ALCAM: variants seen among roughly 807,000 people sequenced by gnomAD.
The protein encoded by ALCAM is activated leukocyte cell adhesion molecule.
ALCAM carries 30 observed loss-of-function variants against 70.9 expected under a neutral mutation model. The ratio of observed to expected loss-of-function variants is 0.42; its 90% CI spans 0.32 to 0.57. ALCAM has a LOEUF of 0.57. ALCAM is among the 20% of genes least tolerant of loss of function. The probability of loss-of-function intolerance (pLI) is 0.11; values close to 1 mark genes in which losing one functional copy is unlikely to be tolerated. For missense variants in ALCAM, 591 were observed against 695.1 expected (o/e 0.85, Z 1.68); for synonymous variants, 249 against 242.5 (o/e 1.03, Z -0.25).
chr3:105,572,228 C>A (rs1940873929), intron 15 of ALCAM, among the ~76,000 whole-genome samples: 1 of 152,042 alleles, frequency 6.6e-6, no homozygotes. Context: ...ATGCGTCCCT[C>A]CCCTAGCCCC....
chr3:105,485,411 A>G (rs1311211034), intron 1 of ALCAM, among the ~76,000 whole-genome samples: 6 of 151,874 alleles, frequency 4.0e-5, no homozygotes, highest in African/African-American at 1.2e-4. Context: ...GCACATCCAC[A>G]TGTGTGTGAC....
chr3:105,409,299 G>A (rs868630450), intron 1 of ALCAM, among the ~76,000 whole-genome samples: 1 of 151,076 alleles, frequency 6.6e-6, no homozygotes, highest in East Asian at 2.0e-4. Context: ...CAGTTCAAAT[G>A]TCCATCAGTC....
At chr3:105,459,843 G>A (rs529624771) in intron 1 of ALCAM, among the ~76,000 whole-genome samples, 40 of 152,020 alleles carry the variant, frequency 2.6e-4, no homozygotes, top group Admixed American at 3.3e-4. Flanking sequence ...CTTAGTTCCC[G>A]CTCTCTTCTG....
chr3:105,475,573 T>A (rs1938086515), intron 1 of ALCAM, among the ~76,000 whole-genome samples: 3 of 152,040 alleles, frequency 2.0e-5, no homozygotes, highest in Admixed American at 2.0e-4. Context: ...CACAGAAGAC[T>A]TCATCACGAA....
chr3:105,496,827 G>GGGGGGT (rs755792411), intron 1 of ALCAM, among the ~76,000 whole-genome samples: 4 of 103,826 alleles, frequency 3.9e-5, no homozygotes, highest in African/African-American at 1.0e-4. Flanking sequence ...GTCCAATTGA[G>GGGGGGT]GTGTGTGTGT....
intron 1 of ALCAM, among the ~76,000 whole-genome samples, chr3:105,416,151 G>A (rs1350569899): frequency 2.0e-5 from 3 of 151,872 alleles, no homozygotes; most frequent in Non-Finnish European, 4.4e-5. Flanking sequence ...TTCTCTTAAG[G>A]ATAAGGATAA....
chr3:105,537,538 C>T (rs1417464582), intron 6 of ALCAM, among the ~76,000 whole-genome samples: 2 of 152,144 alleles, frequency 1.3e-5, no homozygotes, highest in African/African-American at 2.4e-5. Context: ...TCATCACTGC[C>T]TGTATCCACT....
intron 1 of ALCAM, among the ~76,000 whole-genome samples, chr3:105,499,345 G>T (rs1190957072): frequency 1.3e-5 from 2 of 152,080 alleles, no homozygotes; most frequent in Non-Finnish European, 2.9e-5. Flanking sequence ...GATCAAACTA[G>T]AATGTTAAAT....
intron 14 of ALCAM, among the ~76,000 whole-genome samples, chr3:105,570,240 A>G (rs553451519): frequency 6.6e-6 from 1 of 152,332 alleles, no homozygotes; most frequent in East Asian, 1.9e-4. Context: ...AATGAAAATA[A>G]CTATAAATAT....
At position 105,576,325 on chromosome 3, in the gene ALCAM, G is replaced by T. The variant is rs1940962828; in HGVS notation, c.*1874G>T. The T allele has an allele frequency of 6.6e-6, 1 of 152,410 alleles. No homozygotes were observed. 9.4% of individuals were successfully genotyped at this position (152,410 alleles called of 1,614,324 possible). On this transcript the variant is annotated 3_prime_UTR_variant, in exon 16 of 16. Transcript: ENST00000306107. ...ATTTTCTCTTTAGAATTTTGTTAAA[G>T]AAATTCTAAAATTTTTAAACACCTG... is the stretch of plus-strand genomic sequence containing the variant.
At chr3:105,555,091 A>C (rs1940489256) in intron 14 of ALCAM, among the ~76,000 whole-genome samples, 1 of 151,938 alleles carries the variant, frequency 6.6e-6, no homozygotes, top group Admixed American at 6.6e-5. Context: ...TTGTTTCTTC[A>C]TGTGGTAACC....
chr3:105,484,905 CT>C (rs1356462660), intron 1 of ALCAM, among the ~76,000 whole-genome samples: 1 of 152,024 alleles, frequency 6.6e-6, no homozygotes, highest in East Asian at 1.9e-4. Context: ...ATACTTTTCA[CT>C]GAGCCCATAG....
At chr3:105,384,047 T>C (rs1325990761) in intron 1 of ALCAM, among the ~76,000 whole-genome samples, 1 of 151,678 alleles carries the variant, frequency 6.6e-6, no homozygotes, top group Admixed American at 6.6e-5. Flanking sequence ...ACATCTGTAC[T>C]GTGGACCATG....
intron 1 of ALCAM, among the ~76,000 whole-genome samples, chr3:105,419,979 G>T (rs1936603046): frequency 6.6e-6 from 1 of 151,734 alleles, no homozygotes; most frequent in Non-Finnish European, 1.5e-5. Context: ...ATATATAGAT[G>T]GAAGACGGGT....
At chr3:105,557,762 T>G (rs914308013) in intron 14 of ALCAM, among the ~76,000 whole-genome samples, 3 of 152,152 alleles carry the variant, frequency 2.0e-5, no homozygotes, top group Admixed American at 2.0e-4. Flanking sequence ...TATTCACTAT[T>G]GACCTAGATG....
chr3:105,492,568 G>T (rs1938616539), intron 1 of ALCAM, among the ~76,000 whole-genome samples: 1 of 152,124 alleles, frequency 6.6e-6, no homozygotes, highest in Admixed American at 6.6e-5. Context: ...ATTAGTCTGT[G>T]CTTATTTCCA....
intron 1 of ALCAM, among the ~76,000 whole-genome samples, chr3:105,373,168 A>G (rs1935281026): frequency 6.6e-6 from 1 of 152,128 alleles, no homozygotes; most frequent in African/African-American, 2.4e-5. Flanking sequence ...TTGACTCTCC[A>G]GTAGGATTTT....
intron 1 of ALCAM, among the ~76,000 whole-genome samples, chr3:105,452,156 T>C (rs1019308403): frequency 2.6e-5 from 4 of 151,990 alleles, no homozygotes; most frequent in African/African-American, 9.7e-5. Context: ...GTTTGTTACA[T>C]AGGTATACAT....
At chr3:105,510,398 TA>T (rs1330127192) in intron 1 of ALCAM, among the ~76,000 whole-genome samples, 3 of 152,090 alleles carry the variant, frequency 2.0e-5, no homozygotes, top group African/African-American at 7.2e-5. Flanking sequence ...AGTGTAACCT[TA>T]GCACAAATCT....
Sources: allele counts gnomAD v4.1 joint callset (sites outside exome capture counted in the v4.1 genomes callset), GRCh38; gene constraint gnomAD v4.1.1; transcripts MANE v1.5; gene names NCBI Gene and HGNC (gene_info 2026-07-23, HGNC 2026-07-21).